Variants in KCNK16 observed in about 807,000 individuals in gnomAD.
KCNK16 encodes the protein potassium two pore domain channel subfamily K member 16, also known as potassium channel subfamily K member 16.
Under a neutral mutation model 23.0 loss-of-function variants are expected in KCNK16, and 23 were observed. That is an observed-to-expected ratio of 1.00 (90% CI 0.72 to 1.41). The LOEUF (loss-of-function observed/expected upper bound fraction) is 1.41, where lower values mean the gene tolerates loss of function less well. Among genes scored for constraint, KCNK16 ranks in the 40% most tolerant of loss-of-function variants. The probability of loss-of-function intolerance (pLI) is 0.00; values close to 1 mark genes in which losing one functional copy is unlikely to be tolerated. For missense variants in KCNK16, 327 were observed against 365.8 expected (o/e 0.89, Z 0.87); for synonymous variants, 145 against 153.5 (o/e 0.94, Z 0.41).
rs115083188 is a variant in KCNK16, at chr6:39,317,410, G to A, written c.495+376C>T. 1.3e-4 allele frequency among the ~76,000 whole-genome samples: 20 copies of A among 152,338 alleles called. 1 individual carries two copies. Among genetic ancestry groups the A allele is most frequent in the African/African-American group, 4.8e-4 (20 of 41,568 alleles). The stretch of plus-strand genomic sequence containing the variant: ...CTACAGAGATCCCTCACTTAAAGGA[G>A]GACGGTGGGCCAGCTGCCAGCTCCT... On this transcript the variant is annotated intron_variant, in intron 3 of 4. Transcript: ENST00000437525.
rs1762438622 is a variant in KCNK16 at position 39,319,530 on chromosome 6, G to T, written c.214-397C>A. ...GAACAATGGGAGGATTTCAGGTTGG[G>T]TATGTCTGGAAGGGATTGCTGGGGA... On this transcript the variant is annotated intron_variant, in intron 1 of 4. Transcript: ENST00000437525. The surrounding 1 kb of genome is among the most constrained non-coding windows in gnomAD (Gnocchi z 4.2). 6.6e-6 allele frequency among the ~76,000 whole-genome samples: 1 copy of T among 152,148 alleles called. No homozygotes were observed. Among genetic ancestry groups the T allele is most frequent in the African/African-American group, 2.4e-5 (1 of 41,434 alleles).
upstream of KCNK16, chr6:39,322,745 C>G (rs748784909): frequency 6.4e-4 from 455 of 711,832 alleles, no homozygotes; most frequent in Non-Finnish European, 8.9e-4. Flanking sequence ...TGAGTGCAAA[C>G]AGGCCGGCCA....
Position 39,319,180 on chromosome 6 carries a change from C to T in KCNK16, c.214-47G>A, listed in dbSNP as rs1040586043. The T allele has an allele frequency of 3.6e-6, 4 of 1,104,174 alleles. No individual in the cohort carries two copies. The African/African-American group carries it at 6.2e-5, about 17-fold the overall frequency. The allele number at this position is 1,104,174 out of a possible 1,614,324, so 68.4% of individuals were successfully genotyped here. A position where few individuals can be genotyped will look rare whatever the true frequency, so the allele number is the denominator to read the frequency against. On this transcript the variant is annotated intron_variant, in intron 1 of 4. Transcript: ENST00000437525. The surrounding 1 kb of genome is among the most constrained non-coding windows in gnomAD (Gnocchi z 4.2). ...GGGAGGAAGAAGGAGCTGATGGTTA[C>T]TGGGCACCAGTTGTTGCCATGCTTT...
Position 39,316,290 on chromosome 6 carries a change from CGAG to C in KCNK16, c.811_813del (p.Leu271del), listed in dbSNP as rs1562088029. Reference sequence around the variant, plus strand: ...TCAGAGGCTGCCCCATCCTTGACGCCGAGGCCCCTACTGAGCAGCCAGAGCTGG... The same window carrying C: ...TCAGAGGCTGCCCCATCCTTGACGCCGCCCCTACTGAGCAGCCAGAGCTGG... On this transcript the variant is annotated inframe_deletion, in exon 5 of 5. Coordinates refer to ENST00000437525, the MANE Select transcript of KCNK16 (RefSeq NM_001135106.2). 2.5e-6 allele frequency: 4 copies of C among 1,600,008 alleles called. No homozygotes were observed. The South Asian group carries it at 4.5e-5, about 18-fold the overall frequency.
rs760472823 is a variant in KCNK16 at position 39,316,288 on chromosome 6, G to T, written c.816C>A (p.Gly272=). ...CQLWLLSRGL[G]VKDGAASDPS... Reference sequence around the variant, plus strand: ...GGTCAGAGGCTGCCCCATCCTTGACGCCGAGGCCCCTACTGAGCAGCCAGA... The same window carrying T: ...GGTCAGAGGCTGCCCCATCCTTGACTCCGAGGCCCCTACTGAGCAGCCAGA... Residue 272 remains glycine, a synonymous_variant, in exon 5 of 5, where the codon GGC becomes GGA. Transcript: ENST00000437525. 1 of 1,598,760 alleles carries T rather than the reference G, an allele frequency of 6.3e-7. No homozygotes were observed. Among genetic ancestry groups the T allele is most frequent in the Non-Finnish European group, 8.5e-7 (1 of 1,173,658 alleles).
chr6:39,316,739 T>C (rs1762332658), intron 4 of KCNK16, 43 bp downstream of exon 4: 1 of 1,589,996 alleles, frequency 6.3e-7, no homozygotes, highest in South Asian at 1.1e-5. Context: ...CAAATCCCAG[T>C]GGGCACCCCC....
chr6:39,322,308 C>G lies in KCNK16; in HGVS notation c.213+20G>C, dbSNP rs758945027. ...CCTTCCCAAGCCTCTCCATCCCAAT[C>G]CCACATCGCTCCCCTTCACCTGCAC... On this transcript the variant is annotated intron_variant, in intron 1 of 4. Transcript: ENST00000437525. 2 of 1,603,462 alleles carry G rather than the reference C, an allele frequency of 1.2e-6. No homozygotes were observed. Among genetic ancestry groups the G allele is most frequent in the Non-Finnish European group, 1.7e-6 (2 of 1,171,688 alleles).
chr6:39,318,537 G>C (rs1762406491), intron 2 of KCNK16, among the ~76,000 whole-genome samples: 2 of 152,158 alleles, frequency 1.3e-5, no homozygotes, highest in South Asian at 4.1e-4. Context: ...GAACACATGA[G>C]ATACCACCTG....
At chr6:39,315,413 A>G (rs1178381378), downstream of KCNK16, 3 of 1,550,864 alleles carry the variant, frequency 1.9e-6, no homozygotes, top group African/African-American at 4.1e-5. Flanking sequence ...AGAGGGAGTG[A>G]TGAAGTTAAG....
In KCNK16 at chr6:39,322,341, T is replaced by G. The variant is rs779750512; in HGVS notation, c.200A>C (p.Glu67Ala). 55 of 1,613,310 alleles carry G rather than the reference T, an allele frequency of 3.4e-5. No individual in the cohort carries two copies. Among genetic ancestry groups the G allele is most frequent in the Non-Finnish European group, 4.7e-5 (55 of 1,179,406 alleles). Residue 67 changes from glutamate to alanine, a missense_variant, in exon 1 of 5, where the codon GAG becomes GCG. Glu to Ala is a moderately radical substitution (Grantham distance 107). Transcript: ENST00000437525. ...GCTCCCCTTCACCTGCACAAACTGC[T>G]CCATGGCCCACTGGTCCAGGCAGGT... is the stretch of plus-strand genomic sequence containing the variant. The part of the protein sequence containing the change: ...NYTCLDQWAM[E>A]QFVQVIMEAW...
Position 39,316,206 on chromosome 6 carries a change from C to G in KCNK16, c.*13G>C. On this transcript the variant is annotated 3_prime_UTR_variant, in exon 5 of 5. Coordinates refer to ENST00000437525, the MANE Select transcript of KCNK16 (RefSeq NM_001135106.2). ...GGAGGATGAAAGGGGTTTCTGGGCC[C>G]CCCCCGGGGGCCTCATGCAGAGATG... 9.3e-6 allele frequency: 14 copies of G among 1,505,642 alleles called. No homozygotes were observed. The highest frequency in any genetic ancestry group is 1.2e-5 in the Non-Finnish European group (14 of 1,128,386). 93.3% of individuals were successfully genotyped at this position (1,505,642 alleles called of 1,614,324 possible). A position where few individuals can be genotyped will look rare whatever the true frequency, so the allele number is the denominator to read the frequency against.
Position 39,319,919 on chromosome 6 carries a change from C to T in KCNK16, c.214-786G>A, listed in dbSNP as rs1436124957. 3.9e-5 allele frequency among the ~76,000 whole-genome samples: 6 copies of T among 152,158 alleles called. No homozygotes were observed. Among genetic ancestry groups the T allele is most frequent in the Non-Finnish European group, 5.9e-5 (4 of 68,024 alleles). On this transcript the variant is annotated intron_variant, in intron 1 of 4. Transcript: ENST00000437525. The surrounding 1 kb of genome is among the most constrained non-coding windows in gnomAD (Gnocchi z 4.2). Reference sequence around the variant, plus strand: ...GGCTCAAGCCTACAACACCTCCCTTCGCTGCCCCACTGCTGACAACCTCCA... The same window carrying T: ...GGCTCAAGCCTACAACACCTCCCTTTGCTGCCCCACTGCTGACAACCTCCA...
downstream of KCNK16, chr6:39,315,443 AG>A (rs1762274158): frequency 1.9e-6 from 3 of 1,543,988 alleles, no homozygotes; most frequent in African/African-American, 4.1e-5. Flanking sequence ...TGTGAGGGTC[AG>A]GGGAGGCCAT....
intron 1 of KCNK16, among the ~76,000 whole-genome samples, chr6:39,321,160 G>C (rs575495791): frequency 6.6e-6 from 1 of 152,164 alleles, no homozygotes; most frequent in Non-Finnish European, 1.5e-5. Flanking sequence ...TTCCTGAGTC[G>C]GCAGGTGCGG....
chr6:39,319,746 A>AGTGTGTGTGAGTGT lies in KCNK16; in HGVS notation c.214-614_214-613insACACTCACACACAC, dbSNP rs1554193050. Reference sequence around the variant, plus strand: ...GGCCAAGACAAAGGTGGCACGTGTGAGTGTGTGTGTGTGTGTGTGTGTGTG... The same window carrying AGTGTGTGTGAGTGT: ...GGCCAAGACAAAGGTGGCACGTGTGAGTGTGTGTGAGTGTGTGTGTGTGTGTGTGTGTGTGTGTG... On this transcript the variant is annotated intron_variant, in intron 1 of 4. Coordinates refer to ENST00000437525, the MANE Select transcript of KCNK16 (RefSeq NM_001135106.2). This position sits in a 1 kb window ranked among gnomAD's most constrained non-coding sequence, Gnocchi z 4.2. 6.7e-6 allele frequency among the ~76,000 whole-genome samples: 1 copy of AGTGTGTGTGAGTGT among 148,276 alleles called. No individual in the cohort carries two copies. The highest frequency in any genetic ancestry group is 1.5e-5 in the Non-Finnish European group (1 of 66,656).
rs780158065 is a variant in KCNK16, at chr6:39,316,342, G to T, written c.762C>A (p.Gly254=). 5 of 1,612,014 alleles carry T rather than the reference G, an allele frequency of 3.1e-6. No homozygotes were observed. The highest frequency in any genetic ancestry group is 4.2e-6 in the Non-Finnish European group (5 of 1,179,406). Residue 254 remains glycine (G), a synonymous_variant, in exon 5 of 5, where the codon GGC becomes GGA. Coordinates refer to ENST00000437525, the MANE Select transcript of KCNK16 (RefSeq NM_001135106.2). ...LAWLALILPL[G]PLLLHRCCQL... is the part of the protein sequence containing the mutation. ...GGCAGCATCTGTGCAGAAGCAGGGG[G>T]CCCAGTGGGAGGATCAGCGCCAGCC...
intron 1 of KCNK16, among the ~76,000 whole-genome samples, chr6:39,322,075 T>G (rs1000855572): frequency 7.9e-5 from 12 of 152,332 alleles, no homozygotes; most frequent in African/African-American, 2.2e-4. Flanking sequence ...ATATGGTTAT[T>G]CTTGTTGCCT....
rs1181828740 is a variant in KCNK16, at chr6:39,319,964, T to C, written c.214-831A>G. ...CCTCCAGTCCCTGGGCCCAGCCGCCTTGGAGAATAGGCAGGGCTCTCTCCT... is the reference window on the plus strand; with the variant it reads ...CCTCCAGTCCCTGGGCCCAGCCGCCCTGGAGAATAGGCAGGGCTCTCTCCT... On this transcript the variant is annotated intron_variant, in intron 1 of 4. Coordinates refer to ENST00000437525, the MANE Select transcript of KCNK16 (RefSeq NM_001135106.2). The surrounding 1 kb of genome is among the most constrained non-coding windows in gnomAD (Gnocchi z 4.2). Among the ~76,000 whole-genome samples the C allele has an allele frequency of 6.6e-6, 1 of 152,288 alleles. No individual in the cohort carries two copies. Among genetic ancestry groups the C allele is most frequent in the East Asian group, 1.9e-4 (1 of 5,172 alleles).
Position 39,317,894 on chromosome 6 carries a change from G to GATCACGTTAA in KCNK16, c.386_387insTTAACGTGAT (p.Leu130Ter). On this transcript the variant is annotated stop_gained and frameshift_variant, in exon 3 of 5. Coordinates refer to ENST00000437525, the MANE Select transcript of KCNK16 (RefSeq NM_001135106.2). LOFTEE classifies it high-confidence loss of function. Reference sequence around the variant, plus strand: ...TCACGTTAAGCGGGATGCCCAACAGGGCATAGAAGACACAGAAGACCTGAC... The same window carrying GATCACGTTAA: ...TCACGTTAAGCGGGATGCCCAACAGGATCACGTTAAGCATAGAAGACACAGAAGACCTGAC... 6.2e-7 allele frequency: 1 copy of GATCACGTTAA among 1,613,668 alleles called. No individual in the cohort carries two copies. Among genetic ancestry groups the GATCACGTTAA allele is most frequent in the Non-Finnish European group, 8.5e-7 (1 of 1,179,804 alleles).
Sources: allele counts gnomAD v4.1 joint callset (sites outside exome capture counted in the v4.1 genomes callset), GRCh38; gene constraint gnomAD v4.1.1; non-coding constraint Gnocchi (gnomAD v3.1); transcripts MANE v1.5; gene names NCBI Gene and HGNC (gene_info 2026-07-23, HGNC 2026-07-21).